LIPC: variants seen among roughly 807,000 people sequenced by gnomAD.
LIPC encodes the protein lipase C, hepatic type.
In LIPC, 44 loss-of-function variants were observed where a neutral mutation model predicts 50.7. The ratio of observed to expected loss-of-function variants is 0.87; its 90% confidence interval spans 0.68 to 1.11. The LOEUF is 1.11. Among genes scored for constraint, LIPC ranks in the 50% most tolerant of loss-of-function variants. The pLI is 0.00. For missense variants in LIPC, 697 were observed against 648.2 expected (o/e 1.08, Z -0.82); for synonymous variants, 271 against 256.4 (o/e 1.06, Z -0.54).
intron 5 of LIPC, among the ~76,000 whole-genome samples, chr15:58,547,401 A>AG (rs1250527954): frequency 1.3e-5 from 2 of 152,142 alleles, no homozygotes; most frequent in Non-Finnish European, 2.9e-5. Flanking sequence ...GGAGGAGCGG[A>AG]GGGCACGCAG....
chr15:58,443,666 G>A (rs562900011), intron 1 of LIPC, among the ~76,000 whole-genome samples: 2 of 150,620 alleles, frequency 1.3e-5, no homozygotes, highest in East Asian at 3.9e-4. Context: ...CTCCTTTCAT[G>A]CAAATCTCTG....
chr15:58,473,308 A>G (rs537027033), intron 1 of LIPC, among the ~76,000 whole-genome samples: 65 of 152,306 alleles, frequency 4.3e-4, no homozygotes, highest in African/African-American at 1.5e-3. Flanking sequence ...CTTTTTGTCT[A>G]AAAATATGCC....
chr15:58,514,138 T>C (rs927148750), intron 1 of LIPC, among the ~76,000 whole-genome samples: 2 of 152,224 alleles, frequency 1.3e-5, no homozygotes, highest in South Asian at 2.1e-4. Flanking sequence ...ATCGCCAGCA[T>C]AACTAAAGGA....
At chr15:58,468,720 A>C (rs973631933) in intron 1 of LIPC, among the ~76,000 whole-genome samples, 1 of 152,260 alleles carries the variant, frequency 6.6e-6, no homozygotes, top group Non-Finnish European at 1.5e-5. Context: ...GGCCCACCCC[A>C]GACCAGTTCA....
At chr15:58,502,472 G>A (rs1191670483) in intron 1 of LIPC, among the ~76,000 whole-genome samples, 1 of 150,390 alleles carries the variant, frequency 6.6e-6, no homozygotes, top group African/African-American at 2.4e-5. Context: ...CGTTGGGTTG[G>A]TTTGCAAATT....
chr15:58,544,089 G>A (rs1013730228), intron 4 of LIPC, among the ~76,000 whole-genome samples: 1 of 152,182 alleles, frequency 6.6e-6, no homozygotes, highest in Non-Finnish European at 1.5e-5. Context: ...GCTGGTCACT[G>A]GGGAAGCCTG....
intron 1 of LIPC, among the ~76,000 whole-genome samples, chr15:58,525,883 C>T: frequency 6.6e-6 from 1 of 152,222 alleles, no homozygotes; most frequent in East Asian, 1.9e-4. Flanking sequence ...CTTCTACTAC[C>T]ACCAATGCCA....
intron 1 of LIPC, among the ~76,000 whole-genome samples, chr15:58,472,654 T>C (rs1428782832): frequency 6.6e-6 from 1 of 151,916 alleles, no homozygotes; most frequent in African/African-American, 2.4e-5. Context: ...GATATAATTA[T>C]ATTTAAAGAA....
chr15:58,519,541 T>C (rs1282404600), intron 1 of LIPC, among the ~76,000 whole-genome samples: 2 of 152,160 alleles, frequency 1.3e-5, no homozygotes, highest in African/African-American at 4.8e-5. Flanking sequence ...ACAGAGTGTA[T>C]ATGTAAGTCC....
At position 58,542,573 on chromosome 15, in the gene LIPC, G is replaced by A. The variant is rs776354069; in HGVS notation, c.496G>A (p.Gly166Arg). The A allele has an allele frequency of 6.2e-7, 1 of 1,613,746 alleles. No homozygotes were observed. Among genetic ancestry groups the A allele is most frequent in the Admixed American group, 1.7e-5 (1 of 60,008 alleles). The change falls in exon 4 of 9, where the codon GGG becomes AGG. Residue 166 changes from glycine to arginine, a missense_variant. By Grantham distance (125) the Gly-to-Arg change is moderately radical. Coordinates refer to ENST00000299022, the MANE Select transcript of LIPC (RefSeq NM_000236.3). ...CTCTCGAAGCCATGTTCACCTAATT[G>A]GGTACAGCCTGGGTGCACACGTGTC... ...QLSRSHVHLI[G>R]YSLGAHVSGF...
intron 8 of LIPC, among the ~76,000 whole-genome samples, chr15:58,564,732 A>AAAT (rs1309635794): frequency 1.1e-4 from 16 of 151,982 alleles, no homozygotes; most frequent in African/African-American, 3.6e-4. Flanking sequence ...CCGTCTCAAA[A>AAAT]AATAATAATA....
chr15:58,471,651 A>T (rs1233130115), intron 1 of LIPC, among the ~76,000 whole-genome samples: 2 of 152,196 alleles, frequency 1.3e-5, no homozygotes, highest in Non-Finnish European at 2.9e-5. Context: ...TAGTGAATGG[A>T]GATTTGCCTA....
Position 58,541,826 on chromosome 15 carries a change from C to G in LIPC, c.315C>G (p.Ala105=), listed in dbSNP as rs151259669. Reference sequence around the variant, plus strand: ...AAAACTGGATCTGGCAGATGGTGGCCGCGCTGAAGTCTCAGCCGGCCCAGC... The same window carrying G: ...AAAACTGGATCTGGCAGATGGTGGCGGCGCTGAAGTCTCAGCCGGCCCAGC... ...VLENWIWQMV[A]ALKSQPAQPV... The change falls in exon 3 of 9, where the codon GCC becomes GCG. Residue 105 remains alanine (A), a synonymous_variant. Transcript: ENST00000299022. The G allele has an allele frequency of 6.2e-7, 1 of 1,613,338 alleles. No homozygotes were observed. Among genetic ancestry groups the G allele is most frequent in the Non-Finnish European group, 8.5e-7 (1 of 1,179,926 alleles).
intron 1 of LIPC, among the ~76,000 whole-genome samples, chr15:58,457,278 T>C (rs1205783437): frequency 6.6e-6 from 1 of 152,054 alleles, no homozygotes. Flanking sequence ...CCTGGCTAAT[T>C]TTTGTATTTT....
chr15:58,561,465 CTTA>C (rs1323807886), intron 7 of LIPC, among the ~76,000 whole-genome samples: 1 of 152,092 alleles, frequency 6.6e-6, no homozygotes, highest in African/African-American at 2.4e-5. Context: ...GACCAAGGTT[CTTA>C]TTATGCAGAA....
At chr15:58,550,490 A>T (rs1169851289) in intron 6 of LIPC, among the ~76,000 whole-genome samples, 1 of 152,168 alleles carries the variant, frequency 6.6e-6, no homozygotes, top group Admixed American at 6.5e-5. Context: ...ACTCACAAGG[A>T]TCCCTTTGTT....
At chr15:58,447,363 A>C (rs953238974) in intron 1 of LIPC, among the ~76,000 whole-genome samples, 8 of 151,994 alleles carry the variant, frequency 5.3e-5, no homozygotes, top group Admixed American at 3.9e-4. Flanking sequence ...AGGACCATCG[A>C]CTGAGAGGGA....
chr15:58,490,838 G>A (rs1891561906), intron 1 of LIPC, among the ~76,000 whole-genome samples: 2 of 152,150 alleles, frequency 1.3e-5, no homozygotes, highest in African/African-American at 4.8e-5. Flanking sequence ...TTATTAGGGA[G>A]GAGGGCAGCA....
intron 1 of LIPC, among the ~76,000 whole-genome samples, chr15:58,441,498 T>A (rs1449294737): frequency 1.3e-5 from 2 of 152,218 alleles, no homozygotes; most frequent in Admixed American, 6.5e-5. Flanking sequence ...GGGTAGGAAT[T>A]CTTATTCCCA....
Sources: allele counts gnomAD v4.1 joint callset (sites outside exome capture counted in the v4.1 genomes callset), GRCh38; gene constraint gnomAD v4.1.1; transcripts MANE v1.5; gene names NCBI Gene and HGNC (gene_info 2026-07-23, HGNC 2026-07-21).